DPP10: variants seen among roughly 807,000 people sequenced by gnomAD.
DPP10 encodes the protein inactive dipeptidyl peptidase 10.
In DPP10, 33 loss-of-function variants were observed where a neutral mutation model predicts 120.9. The observed-to-expected ratio is 0.27, with a 90% CI of 0.21 to 0.37. The LOEUF (loss-of-function observed/expected upper bound fraction) is 0.37, where lower values mean the gene tolerates loss of function less well. Among genes scored for constraint, DPP10 ranks in the 10% least tolerant of loss-of-function variants. The pLI, the probability that DPP10 is intolerant of heterozygous loss-of-function variation, is 1.00. For synonymous variants in DPP10, 337 were observed against 326.1 expected (o/e 1.03, Z -0.36); for missense variants, 816 against 942.8 (o/e 0.87, Z 1.76).
At chr2:115,470,087 A>C (rs774032781) in intron 3 of DPP10, among the ~76,000 whole-genome samples, 1 of 152,146 alleles carries the variant, frequency 6.6e-6, no homozygotes, top group Admixed American at 6.6e-5. Context: ...GGAATTTTCA[A>C]AATATGAATT....
Position 114,943,552 on chromosome 2 carries a change from G to T in DPP10, c.61-365687G>T, listed in dbSNP as rs554277966. ...CTCCCAAAGTGTTGGGATTACAGGTGTGAGCCACCATACCCGGCCATGTGC... is the reference window on the plus strand; with the variant it reads ...CTCCCAAAGTGTTGGGATTACAGGTTTGAGCCACCATACCCGGCCATGTGC... On this transcript the variant is annotated intron_variant, in intron 1 of 25. Coordinates refer to ENST00000410059, the MANE Select transcript of DPP10 (RefSeq NM_020868.6). Among the ~76,000 whole-genome samples, 10 of 152,244 alleles carry T rather than the reference G, an allele frequency of 6.6e-5. No homozygotes were observed. The South Asian group carries it at 2.1e-3, about 32-fold the overall frequency.
intron 1 of DPP10, among the ~76,000 whole-genome samples, chr2:115,087,301 T>A (rs1382203559): frequency 2.0e-5 from 3 of 152,054 alleles, no homozygotes; most frequent in African/African-American, 7.2e-5. Context: ...AAGGGATGGA[T>A]TTTAGGGATT....
At chr2:114,527,274 A>C (rs1253434709) in intron 1 of DPP10, among the ~76,000 whole-genome samples, 1 of 152,158 alleles carries the variant, frequency 6.6e-6, no homozygotes, top group East Asian at 1.9e-4. Flanking sequence ...AATTCCCTCT[A>C]TCTCTCTATA....
intron 5 of DPP10, among the ~76,000 whole-genome samples, chr2:115,571,487 G>A (rs2081336042): frequency 6.6e-6 from 1 of 151,976 alleles, no homozygotes; most frequent in African/African-American, 2.4e-5. Flanking sequence ...GTAGTATTTG[G>A]TTTTCTGATC....
chr2:114,771,114 C>T (rs1410036826), intron 1 of DPP10, among the ~76,000 whole-genome samples: 2 of 152,150 alleles, frequency 1.3e-5, no homozygotes, highest in Non-Finnish European at 2.9e-5. Flanking sequence ...TAAGAAAAAT[C>T]CTGTAAGCAT....
At chr2:114,907,552 T>C (rs780731636) in intron 1 of DPP10, among the ~76,000 whole-genome samples, 3 of 152,170 alleles carry the variant, frequency 2.0e-5, no homozygotes, top group Admixed American at 6.5e-5. Context: ...GAGCATTGGT[T>C]ACTTAGAAGT....
intron 24 of DPP10, among the ~76,000 whole-genome samples, chr2:115,839,341 A>G (rs1689844843): frequency 6.6e-6 from 1 of 152,172 alleles, no homozygotes; most frequent in South Asian, 2.1e-4. Flanking sequence ...AGAGGCTTAA[A>G]CTATTGATAA....
chr2:115,356,951 C>G (rs988836391), intron 3 of DPP10, among the ~76,000 whole-genome samples: 1 of 152,152 alleles, frequency 6.6e-6, no homozygotes, highest in African/African-American at 2.4e-5. Context: ...TAACTGCTTT[C>G]TATAGTGGCT....
chr2:114,767,090 T>C (rs1485948314), intron 1 of DPP10, among the ~76,000 whole-genome samples: 2 of 87,172 alleles, frequency 2.3e-5, no homozygotes, highest in Admixed American at 1.3e-4. Flanking sequence ...GATCTAAAAC[T>C]ACATCAAAAC....
At chr2:115,370,845 G>A (rs935180838) in intron 3 of DPP10, among the ~76,000 whole-genome samples, 3 of 151,984 alleles carry the variant, frequency 2.0e-5, no homozygotes, top group Non-Finnish European at 4.4e-5. Flanking sequence ...GGCATCTCTC[G>A]TTAAGCGCCA....
In DPP10 at chr2:115,226,374, C is replaced by T. The variant is rs540419627; in HGVS notation, c.61-82865C>T. Among the ~76,000 whole-genome samples, 38 of 152,198 alleles carry T rather than the reference C, an allele frequency of 2.5e-4. No individual in the cohort carries two copies. The East Asian group carries it at 5.2e-3, about 21-fold the overall frequency. ...CTGCTGATATATTTCTACAAAGATG[C>T]TTTGAGAAAAAGAAGCGATAAGATC... On this transcript the variant is annotated intron_variant, in intron 1 of 25. Transcript: ENST00000410059.
intron 5 of DPP10, among the ~76,000 whole-genome samples, chr2:115,563,574 G>A (rs1195791986): frequency 1.3e-5 from 2 of 152,108 alleles, no homozygotes; most frequent in Admixed American, 1.3e-4. Flanking sequence ...ACCACTTACT[G>A]CTTGTGTAGC....
At chr2:115,778,788 G>A (rs369083261) in intron 15 of DPP10, among the ~76,000 whole-genome samples, 1 of 151,998 alleles carries the variant, frequency 6.6e-6, no homozygotes, top group Non-Finnish European at 1.5e-5. Context: ...AAGCAACCTT[G>A]TCCTTTTAAT....
intron 1 of DPP10, among the ~76,000 whole-genome samples, chr2:114,652,312 A>G (rs1250629437): frequency 6.6e-6 from 1 of 152,204 alleles, no homozygotes; most frequent in Non-Finnish European, 1.5e-5. Flanking sequence ...GCACACAGGC[A>G]AAAAGGTAAA....
At chr2:114,972,804 G>A (rs1699483727) in intron 1 of DPP10, among the ~76,000 whole-genome samples, 1 of 152,186 alleles carries the variant, frequency 6.6e-6, no homozygotes, top group African/African-American at 2.4e-5. Context: ...TGCGACTGGG[G>A]AAATATAATG....
At chr2:115,808,663 T>C (rs564505087) in intron 19 of DPP10, among the ~76,000 whole-genome samples, 4 of 152,322 alleles carry the variant, frequency 2.6e-5, no homozygotes, top group African/African-American at 9.6e-5. Context: ...TTGATCCCCA[T>C]ATCACCTGTA....
chr2:114,753,692 G>A (rs968460327), intron 1 of DPP10, among the ~76,000 whole-genome samples: 1 of 151,974 alleles, frequency 6.6e-6, no homozygotes, highest in Non-Finnish European at 1.5e-5. Context: ...GGCAGATCAC[G>A]AGGTCAGGAG....
chr2:114,779,471 T>C (rs1682076925), intron 1 of DPP10, among the ~76,000 whole-genome samples: 2 of 152,158 alleles, frequency 1.3e-5, no homozygotes, highest in Admixed American at 1.3e-4. Context: ...AGAGGACTCC[T>C]GATTTTTCAG....
intron 1 of DPP10, among the ~76,000 whole-genome samples, chr2:114,473,757 G>T (rs1680134943): frequency 6.6e-6 from 1 of 152,128 alleles, no homozygotes; most frequent in Non-Finnish European, 1.5e-5. Flanking sequence ...GAAATGGAAA[G>T]ATTTTTATGA....
Sources: allele counts gnomAD v4.1 joint callset (sites outside exome capture counted in the v4.1 genomes callset), GRCh38; gene constraint gnomAD v4.1.1; transcripts MANE v1.5; gene names NCBI Gene and HGNC (gene_info 2026-07-23, HGNC 2026-07-21).